Variants in DNAJB6 observed in about 807,000 individuals in gnomAD.
DNAJB6 encodes DnaJ heat shock protein family (Hsp40) member B6, also known as dnaJ homolog subfamily B member 6.
A neutral mutation model predicts 42.7 loss-of-function variants in DNAJB6; 16 were observed. That is an observed-to-expected ratio of 0.37 (90% CI 0.25 to 0.57). The LOEUF (loss-of-function observed/expected upper bound fraction) is 0.57. Among genes scored for constraint, DNAJB6 ranks in the 20% least tolerant of loss-of-function variants. DNAJB6 has a pLI of 0.74. For synonymous variants in DNAJB6, 170 were observed against 163.5 expected (o/e 1.04, Z -0.30); for missense variants, 347 against 416.8 (o/e 0.83, Z 1.46).
intron 1 of DNAJB6, chr7:157,337,940 C>T (rs900956544): frequency 6.6e-6 from 1 of 152,088 alleles, no homozygotes; most frequent in African/African-American, 2.4e-5. Flanking sequence ...CTCACGTAAA[C>T]GGGGCAGGAA....
In DNAJB6 at chr7:157,416,121, C is replaced by A; in HGVS notation, c.*23C>A. 1 of 1,608,332 alleles carries A rather than the reference C, an allele frequency of 6.2e-7. No individual in the cohort carries two copies. Among genetic ancestry groups the A allele is most frequent in the African/African-American group, 1.3e-5 (1 of 74,918 alleles). On this transcript the variant is annotated 3_prime_UTR_variant, in exon 10 of 10. Coordinates refer to ENST00000262177, the MANE Select transcript of DNAJB6 (RefSeq NM_058246.4). ...TAGACCGGACTTGAGGCACGCGGTG[C>A]ACCCCCAGACGCTGGCGCTCCACCG... is the stretch of plus-strand genomic sequence containing the variant.
chr7:157,358,479 C>A, intron 1 of DNAJB6, 68 bp from the exon 2 acceptor site: 5 of 1,025,452 alleles, frequency 4.9e-6, no homozygotes, highest in Admixed American at 1.8e-5. Flanking sequence ...CCTCTCCAGA[C>A]CCATCCCACC....
intron 1 of DNAJB6, among the ~76,000 whole-genome samples, chr7:157,338,349 TC>T (rs1446365343): frequency 1.3e-5 from 2 of 151,964 alleles, no homozygotes; most frequent in African/African-American, 4.8e-5. Flanking sequence ...TTTTTTTTTT[TC>T]CTGAGACGGA....
intron 1 of DNAJB6, among the ~76,000 whole-genome samples, chr7:157,346,368 T>G (rs148704735): frequency 6.0e-5 from 9 of 148,832 alleles, no homozygotes; most frequent in Non-Finnish European, 1.3e-4. Context: ...TCTCTGTGAC[T>G]AGGGAAATCG....
At chr7:157,348,600 G>A (rs1202549732) in intron 1 of DNAJB6, among the ~76,000 whole-genome samples, 1 of 152,022 alleles carries the variant, frequency 6.6e-6, no homozygotes, top group South Asian at 2.1e-4. Context: ...GAGCATCTTC[G>A]TAACCCTGCC....
chr7:157,410,174 C>T lies in DNAJB6; in HGVS notation c.898+173C>T, dbSNP rs1046139268. On this transcript the variant is annotated intron_variant, in intron 9 of 9. Coordinates refer to ENST00000262177, the MANE Select transcript of DNAJB6 (RefSeq NM_058246.4). ...CGCTCTGCTCCTCTCCCGCTCGCGG[C>T]GCCCCACGCCACGGTGGCTCCGGGC... The T allele has an allele frequency of 9.4e-6, 13 of 1,384,800 alleles. No individual in the cohort carries two copies. The African/African-American group carries it at 1.4e-4, about 15-fold the overall frequency. The allele number at this position is 1,384,800 out of a possible 1,614,324, so 85.8% of individuals were successfully genotyped here. A position where few individuals can be genotyped will look rare whatever the true frequency, so the allele number is the denominator to read the frequency against.
At chr7:157,388,642 G>GT (rs1801197980) in intron 8 of DNAJB6, among the ~76,000 whole-genome samples, 1 of 150,452 alleles carries the variant, frequency 6.6e-6, no homozygotes, top group Admixed American at 6.6e-5. Context: ...AGCTTTTGGG[G>GT]GGGGGGTAAG....
chr7:157,397,624 G>A (rs142848419), intron 8 of DNAJB6, among the ~76,000 whole-genome samples: 2 of 152,362 alleles, frequency 1.3e-5, no homozygotes, highest in African/African-American at 4.8e-5. Flanking sequence ...CCCTCTCCCA[G>A]CTGGGCCCTG....
At chr7:157,364,095 CAAAA>C (rs200155406) in intron 3 of DNAJB6, among the ~76,000 whole-genome samples, 29 of 151,164 alleles carry the variant, frequency 1.9e-4, no homozygotes, top group African/African-American at 7.0e-4. Context: ...TTATTTACAA[CAAAA>C]AAAATTTTTT....
chr7:157,368,574 C>G (rs368243997), intron 5 of DNAJB6: 1 of 152,412 alleles, frequency 6.6e-6, no homozygotes, highest in Admixed American at 6.5e-5. Flanking sequence ...AGTGGCATCT[C>G]AGTCCTGATG....
chr7:157,407,716 T>C (rs755970813), intron 8 of DNAJB6, among the ~76,000 whole-genome samples: 4 of 152,126 alleles, frequency 2.6e-5, no homozygotes, highest in Non-Finnish European at 5.9e-5. Flanking sequence ...ACACGGCCCC[T>C]TTGAGTTCGA....
intron 8 of DNAJB6, among the ~76,000 whole-genome samples, chr7:157,389,744 C>T (rs1457133701): frequency 1.3e-5 from 2 of 152,208 alleles, no homozygotes; most frequent in African/African-American, 4.8e-5. Flanking sequence ...GCAGCTATTC[C>T]TGTGTTAGAA....
Position 157,392,265 on chromosome 7 carries a change from G to A in DNAJB6, c.691+6654G>A, listed in dbSNP as rs535410300. 5.3e-5 allele frequency among the ~76,000 whole-genome samples: 8 copies of A among 152,028 alleles called. No homozygotes were observed. In the South Asian group the frequency reaches 6.2e-4, roughly 12 times the overall value. On this transcript the variant is annotated intron_variant, in intron 8 of 9. Transcript: ENST00000262177. ...AGGGCAAGCATCTTGTGTCACCTGC[G>A]TGTGCCTCTTTTTCTGTGGACTTAC... is the stretch of plus-strand genomic sequence containing the variant.
At chr7:157,369,181 C>A in intron 5 of DNAJB6, 1 of 430,722 alleles carries the variant, frequency 2.3e-6, no homozygotes, top group Non-Finnish European at 4.7e-6. Flanking sequence ...GCTGTAATCA[C>A]TGCTGCCATC....
chr7:157,364,205 AAAAAC>A lies in DNAJB6; in HGVS notation c.175+946_175+950del, dbSNP rs59456944. Among the ~76,000 whole-genome samples the A allele has an allele frequency of 4.7e-3, 720 of 152,214 alleles. 4 individuals are homozygous for A. The highest frequency in any genetic ancestry group is 0.016 in the African/African-American group (668 of 41,536). On this transcript the variant is annotated intron_variant, in intron 3 of 9. Transcript: ENST00000262177. ...GGGCGACAGTGCGAGACTGTCTCCA[AAAAAC>A]AAAACAAAACCAAACCAATCAGAAG...
intron 8 of DNAJB6, among the ~76,000 whole-genome samples, chr7:157,401,657 G>A (rs950721553): frequency 1.3e-5 from 2 of 152,246 alleles, no homozygotes; most frequent in African/African-American, 4.8e-5. Context: ...TGTAACAGGG[G>A]AAGTAAATCA....
chr7:157,386,468 A>G (rs1801063666), intron 8 of DNAJB6: 1 of 250,932 alleles, frequency 4.0e-6, no homozygotes, highest in Non-Finnish European at 6.3e-6. Context: ...GAAGATTTTC[A>G]TATTGTAAGT....
chr7:157,363,317 A>G, intron 3 of DNAJB6, 47 bp downstream of exon 3: 2 of 1,322,534 alleles, frequency 1.5e-6, no homozygotes, highest in Non-Finnish European at 2.2e-6. Context: ...GCATGCCGGA[A>G]TGCGGAGTGG....
intron 6 of DNAJB6, among the ~76,000 whole-genome samples, chr7:157,382,981 A>G (rs879719042): frequency 6.6e-6 from 1 of 152,204 alleles, no homozygotes; most frequent in Non-Finnish European, 1.5e-5. Flanking sequence ...GTTTCTCTTC[A>G]CAAAGGAGCT....
Sources: allele counts gnomAD v4.1 joint callset (sites outside exome capture counted in the v4.1 genomes callset), GRCh38; gene constraint gnomAD v4.1.1; transcripts MANE v1.5; gene names NCBI Gene and HGNC (gene_info 2026-07-23, HGNC 2026-07-21).